PIK3CB: variants seen among roughly 807,000 people sequenced by gnomAD.
PIK3CB encodes phosphatidylinositol-4,5-bisphosphate 3-kinase catalytic subunit beta.
In PIK3CB, 39 loss-of-function variants were observed where a neutral mutation model predicts 136.8. That is an observed-to-expected ratio of 0.29 (90% CI 0.22 to 0.37). PIK3CB has a LOEUF of 0.37. Among genes scored for constraint, PIK3CB ranks in the 10% least tolerant of loss-of-function variants. The pLI is 1.00. For missense variants in PIK3CB, 868 were observed against 1,275.4 expected, an observed-to-expected ratio of 0.68 and a Z score of 4.87; for synonymous variants, 428 against 436.6, an observed-to-expected ratio of 0.98 and a Z score of 0.25.
intron 1 of PIK3CB, among the ~76,000 whole-genome samples, chr3:138,816,556 T>A (rs532524560): frequency 6.6e-6 from 1 of 152,004 alleles, no homozygotes; most frequent in African/African-American, 2.4e-5. Context: ...GATCATGCCA[T>A]TGTACTCTAG....
At chr3:138,702,376 T>C (rs1254608933) in intron 12 of PIK3CB, among the ~76,000 whole-genome samples, 2 of 152,062 alleles carry the variant, frequency 1.3e-5, no homozygotes, top group Admixed American at 1.3e-4. Context: ...CACCCATCCT[T>C]ACCATTTATT....
At chr3:138,811,584 C>T (rs550541113) in intron 1 of PIK3CB, among the ~76,000 whole-genome samples, 1 of 152,082 alleles carries the variant, frequency 6.6e-6, no homozygotes, top group African/African-American at 2.4e-5. Context: ...CGCGACCACA[C>T]CTGGCTAATT....
chr3:138,689,763 T>C (rs2043969318), intron 15 of PIK3CB, among the ~76,000 whole-genome samples: 1 of 152,240 alleles, frequency 6.6e-6, no homozygotes, highest in Non-Finnish European at 1.5e-5. Flanking sequence ...AGTTAGTTAA[T>C]ACTTCAAAGT....
chr3:138,668,433 C>T (rs1249119924), intron 19 of PIK3CB, among the ~76,000 whole-genome samples: 1 of 152,156 alleles, frequency 6.6e-6, no homozygotes, highest in African/African-American at 2.4e-5. Context: ...AAGCTGGGGA[C>T]AAACTCTTGG....
In PIK3CB at chr3:138,795,009, A is replaced by C. The variant is rs2046092902; in HGVS notation, c.-17+1454T>G. 2.0e-5 allele frequency among the ~76,000 whole-genome samples: 3 copies of C among 151,520 alleles called. No individual in the cohort carries two copies. The South Asian group carries it at 6.2e-4, about 32-fold the overall frequency. On this transcript the variant is annotated intron_variant, in intron 2 of 23. Coordinates refer to ENST00000674063, the MANE Select transcript of PIK3CB (RefSeq NM_006219.3). The stretch of plus-strand genomic sequence containing the variant: ...ACTCCAGCCTGAGTGACAGACTGAG[A>C]CCCCATTTTCTTAAAAAAAAATTAT...
chr3:138,793,740 C>T (rs1402429341), intron 2 of PIK3CB, among the ~76,000 whole-genome samples: 1 of 151,978 alleles, frequency 6.6e-6, no homozygotes. Flanking sequence ...AAGAAGTTGA[C>T]CAGGCACTGT....
At chr3:138,736,774 T>G (rs1224714531) in intron 6 of PIK3CB, among the ~76,000 whole-genome samples, 2 of 152,186 alleles carry the variant, frequency 1.3e-5, no homozygotes, top group African/African-American at 4.8e-5. Context: ...GAATGATTAA[T>G]AAAGGCTTTT....
chr3:138,808,761 T>C (rs567337029), intron 1 of PIK3CB, among the ~76,000 whole-genome samples: 28 of 151,768 alleles, frequency 1.8e-4, no homozygotes, highest in African/African-American at 4.8e-4. Context: ...TATATATATA[T>C]ACACACACAC....
At chr3:138,688,283 C>T (rs1482743315) in intron 16 of PIK3CB, among the ~76,000 whole-genome samples, 14 of 151,784 alleles carry the variant, frequency 9.2e-5, no homozygotes, top group African/African-American at 2.9e-4. Flanking sequence ...GGGCGGATCA[C>T]GAGGTCAGGA....
At chr3:138,677,958 T>C (rs1237504749) in intron 19 of PIK3CB, among the ~76,000 whole-genome samples, 1 of 152,014 alleles carries the variant, frequency 6.6e-6, no homozygotes, top group East Asian at 1.9e-4. Context: ...TTCCCTAAAA[T>C]AAATAATATA....
chr3:138,732,387 C>T (rs916116324), intron 8 of PIK3CB, among the ~76,000 whole-genome samples: 22 of 152,134 alleles, frequency 1.4e-4, no homozygotes, highest in African/African-American at 5.1e-4. Context: ...TACTCTCCCC[C>T]AAAATCTTTA....
intron 2 of PIK3CB, among the ~76,000 whole-genome samples, chr3:138,773,978 A>G (rs1468407448): frequency 1.3e-5 from 2 of 152,242 alleles, no homozygotes; most frequent in African/African-American, 4.8e-5. Context: ...GATAAAATTA[A>G]TAGGACAAAG....
intron 8 of PIK3CB, among the ~76,000 whole-genome samples, chr3:138,731,258 C>T (rs1440634350): frequency 6.6e-6 from 1 of 151,578 alleles, no homozygotes; most frequent in East Asian, 1.9e-4. Context: ...CTTTTCCTTT[C>T]TTTTTTTTGG....
At chr3:138,759,496 A>G (rs1419964013) in intron 2 of PIK3CB, 137 bp from the exon 3 acceptor site, 2 of 540,196 alleles carry the variant, frequency 3.7e-6, no homozygotes, top group Non-Finnish European at 6.6e-6. Context: ...CAATTAAATA[A>G]TGTGATATTT....
At chr3:138,825,880 G>T (rs1226830957) in intron 1 of PIK3CB, 5 of 1,512,908 alleles carry the variant, frequency 3.3e-6, no homozygotes, top group Non-Finnish European at 3.6e-6. Context: ...TCAATGTCAA[G>T]AATGTGTCTG....
chr3:138,781,815 G>T (rs2045927065), intron 2 of PIK3CB, among the ~76,000 whole-genome samples: 1 of 152,134 alleles, frequency 6.6e-6, no homozygotes, highest in Non-Finnish European at 1.5e-5. Context: ...AGCTACTTGG[G>T]AGGCTGAAGT....
In PIK3CB at chr3:138,657,768, C is replaced by T. The variant is rs2108391901; in HGVS notation, c.2864G>A (p.Arg955Gln). The change falls in exon 22 of 24, where the codon CGA (arginine) becomes CAA (glutamine). Residue 955 changes from arginine to glutamine, a missense_variant. By Grantham distance (43) the Arg-to-Gln change is conservative. Coordinates refer to ENST00000674063, the MANE Select transcript of PIK3CB (RefSeq NM_006219.3). ...ATCATAGGTAAGAATAAAAGGCACT[C>T]GCTCCCTTTTAATGCCAAACTTAGA... ...FKSKFGIKRE[R>Q]VPFILTYDFI... 1 of 1,609,838 alleles carries T rather than the reference C, an allele frequency of 6.2e-7. No individual in the cohort carries two copies. The highest frequency in any genetic ancestry group is 8.5e-7 in the Non-Finnish European group (1 of 1,176,422).
chr3:138,685,109 A>C (rs1400574810), intron 16 of PIK3CB: 1 of 231,620 alleles, frequency 4.3e-6, no homozygotes, highest in Non-Finnish European at 8.5e-6. Flanking sequence ...CCAGGTGCGC[A>C]CTATGGGTAC....
intron 11 of PIK3CB, among the ~76,000 whole-genome samples, chr3:138,705,198 A>AAAAAAAAAAAAT (rs1559828847): frequency 2.1e-5 from 3 of 144,076 alleles, no homozygotes; most frequent in Admixed American, 7.1e-5. Flanking sequence ...AACAAAAAAA[A>AAAAAAAAAAAAT]AAACTTATAT....
Sources: allele counts gnomAD v4.1 joint callset (sites outside exome capture counted in the v4.1 genomes callset), GRCh38; gene constraint gnomAD v4.1.1; transcripts MANE v1.5; gene names NCBI Gene and HGNC (gene_info 2026-07-23, HGNC 2026-07-21).